Variants in COL23A1 observed in about 807,000 individuals in gnomAD.
COL23A1 encodes the protein collagen type XXIII alpha 1 chain, also known as collagen alpha-1(XXIII) chain.
In COL23A1, 97 loss-of-function variants were observed where a neutral mutation model predicts 99.3. The observed-to-expected ratio is 0.98, with a 90% CI of 0.83 to 1.16. The LOEUF is 1.16. Ranked by LOEUF, COL23A1 falls within the 50% of genes most tolerant of loss-of-function variation. The pLI is 0.00. For synonymous variants in COL23A1, 320 were observed against 308.2 expected (o/e 1.04, Z -0.40); for missense variants, 762 against 757.4 (o/e 1.01, Z -0.07).
At chr5:178,545,917 C>G (rs1187420481) in intron 2 of COL23A1, among the ~76,000 whole-genome samples, 1 of 152,170 alleles carries the variant, frequency 6.6e-6, no homozygotes, top group Non-Finnish European at 1.5e-5. Context: ...TAGGGTACAT[C>G]GTATTACCCC....
chr5:178,252,446 C>G lies in COL23A1; in HGVS notation c.1014+98G>C, dbSNP rs1549612. The G allele has an allele frequency of 3.4e-6, 4 of 1,193,010 alleles. No homozygotes were observed. In the African/African-American group the frequency reaches 6.2e-5, roughly 18 times the overall value. 73.9% of individuals were successfully genotyped at this position (1,193,010 alleles called of 1,614,324 possible). ...CTCCCGGAAGCCAGGCCAGGACACC[C>G]GGAGGGAAGTGGAACAGGGTCACAG... On this transcript the variant is annotated intron_variant, in intron 17 of 28. Coordinates refer to ENST00000390654, the MANE Select transcript of COL23A1 (RefSeq NM_173465.4).
intron 28 of COL23A1, 69 bp from the exon 29 acceptor site, chr5:178,238,769 T>C: frequency 6.3e-7 from 1 of 1,596,506 alleles, no homozygotes; most frequent in Non-Finnish European, 8.6e-7. Context: ...CAGGCCACCT[T>C]GCCTGGCCTC....
At chr5:178,576,140 T>C (rs1454119404) in intron 1 of COL23A1, among the ~76,000 whole-genome samples, 2 of 152,196 alleles carry the variant, frequency 1.3e-5, no homozygotes, top group Admixed American at 6.5e-5. Flanking sequence ...TGGGGGTGAT[T>C]TTGCGAAGGT....
intron 2 of COL23A1, among the ~76,000 whole-genome samples, chr5:178,386,433 C>T (rs549164733): frequency 3.2e-5 from 4 of 124,032 alleles, no homozygotes; most frequent in South Asian, 2.9e-4. Flanking sequence ...AGCGAGACTC[C>T]GTCTCCAAAA....
At chr5:178,509,956 G>A (rs2647695) in intron 2 of COL23A1, among the ~76,000 whole-genome samples, 127,893 of 152,166 alleles carry the variant, frequency 0.84, 53,902 homozygotes, top group East Asian at 0.95. Flanking sequence ...GCTCACGGGG[G>A]GCTGAGATCA....
chr5:178,271,858 G>A (rs1239842262), intron 5 of COL23A1, among the ~76,000 whole-genome samples: 2 of 152,242 alleles, frequency 1.3e-5, no homozygotes, highest in East Asian at 1.9e-4. Flanking sequence ...GCCTGGCCAA[G>A]GCGGGATGGG....
At chr5:178,277,763 G>GGT (rs1756671576) in intron 5 of COL23A1, among the ~76,000 whole-genome samples, 3 of 118,038 alleles carry the variant, frequency 2.5e-5, no homozygotes, top group African/African-American at 1.0e-4. Flanking sequence ...TTACAGCACT[G>GGT]TGCCTTTGAA....
intron 1 of COL23A1, among the ~76,000 whole-genome samples, chr5:178,570,155 C>T (rs1581657650): frequency 6.6e-6 from 1 of 151,504 alleles, no homozygotes; most frequent in East Asian, 1.9e-4. Context: ...CTCTGTCACC[C>T]AGGCTGGAGT....
intron 25 of COL23A1, among the ~76,000 whole-genome samples, chr5:178,244,341 T>C (rs986255227): frequency 6.6e-6 from 1 of 152,166 alleles, no homozygotes; most frequent in Non-Finnish European, 1.5e-5. Context: ...CTTGCAGCCC[T>C]GCATCTGGGC....
At chr5:178,515,068 G>A (rs1377965496) in intron 2 of COL23A1, among the ~76,000 whole-genome samples, 1 of 152,232 alleles carries the variant, frequency 6.6e-6, no homozygotes, top group Non-Finnish European at 1.5e-5. Context: ...GGTTGGAATG[G>A]ATCCCACCCA....
At chr5:178,446,927 T>C (rs1253123171) in intron 2 of COL23A1, among the ~76,000 whole-genome samples, 1 of 152,152 alleles carries the variant, frequency 6.6e-6, no homozygotes, top group African/African-American at 2.4e-5. Flanking sequence ...GAGAAAATGA[T>C]TGTTTATAAA....
At chr5:178,555,355 C>T (rs1324850780) in intron 2 of COL23A1, among the ~76,000 whole-genome samples, 5 of 152,176 alleles carry the variant, frequency 3.3e-5, no homozygotes, top group Admixed American at 1.3e-4. Context: ...AATTCTGAGA[C>T]TTTCGGGAAA....
chr5:178,508,987 G>A (rs988282393), intron 2 of COL23A1, among the ~76,000 whole-genome samples: 2 of 152,164 alleles, frequency 1.3e-5, no homozygotes, highest in Non-Finnish European at 1.5e-5. Flanking sequence ...GTTACTTGAA[G>A]CCTTTAAAAA....
chr5:178,436,868 G>A (rs1053261579), intron 2 of COL23A1, among the ~76,000 whole-genome samples: 11 of 152,186 alleles, frequency 7.2e-5, no homozygotes. Context: ...GGTCAGAGAG[G>A]TTTCACTTCT....
intron 2 of COL23A1, among the ~76,000 whole-genome samples, chr5:178,338,062 C>T (rs777139944): frequency 1.3e-5 from 2 of 152,120 alleles, no homozygotes; most frequent in Non-Finnish European, 2.9e-5. Context: ...AGGGGCTGTA[C>T]TTGGGGCCAC....
intron 2 of COL23A1, among the ~76,000 whole-genome samples, chr5:178,538,462 T>C (rs1037889147): frequency 3.3e-5 from 5 of 152,230 alleles, no homozygotes; most frequent in Admixed American, 3.3e-4. Context: ...AAAATTACTG[T>C]TTAAATTGCT....
At chr5:178,246,797 G>A (rs1003013827) in intron 22 of COL23A1, among the ~76,000 whole-genome samples, 7 of 152,184 alleles carry the variant, frequency 4.6e-5, no homozygotes, top group Non-Finnish European at 8.8e-5. Flanking sequence ...AGGCTTCTAC[G>A]GCAAGCCTTG....
chr5:178,514,257 C>T (rs1759379275), intron 2 of COL23A1, among the ~76,000 whole-genome samples: 1 of 152,218 alleles, frequency 6.6e-6, no homozygotes, highest in South Asian at 2.1e-4. Context: ...CTTTTTAAGG[C>T]TGACACTATT....
intron 2 of COL23A1, among the ~76,000 whole-genome samples, chr5:178,489,690 C>T (rs1272398117): frequency 3.9e-5 from 6 of 152,078 alleles, no homozygotes; most frequent in Admixed American, 6.5e-5. Flanking sequence ...ATGCAGCCAC[C>T]GGGCACCAAA....
Sources: gnomAD v4.1 joint callset for allele counts (sites outside exome capture counted in the v4.1 genomes callset) on GRCh38, gnomAD v4.1.1 for gene constraint, MANE v1.5 for transcripts, NCBI Gene and HGNC (gene_info 2026-07-23, HGNC 2026-07-21) for gene names.